Variants in PCDHGA5 observed in about 807,000 individuals in gnomAD.
PCDHGA5 encodes protocadherin gamma subfamily A, 5.
In PCDHGA5, 36 loss-of-function variants were observed where a neutral mutation model predicts 56.7. The observed-to-expected ratio is 0.64, with a 90% CI of 0.49 to 0.84. The LOEUF is 0.84. Among genes scored for constraint, PCDHGA5 ranks in the 40% least tolerant of loss-of-function variants. The pLI is 0.00. For missense variants in PCDHGA5, 1,305 were observed against 1,201.5 expected (o/e 1.09, Z -1.27); for synonymous variants, 563 against 520.2 (o/e 1.08, Z -1.12).
At chr5:141,468,744 T>G (rs113912306) in intron 1 of PCDHGA5, among the ~76,000 whole-genome samples, 5,602 of 152,138 alleles carry the variant, frequency 0.037, 142 homozygotes, top group South Asian at 0.077. Flanking sequence ...CGGGTGCCTG[T>G]AGTCCCAGCT....
rs767337670 is a variant in PCDHGA5 at position 141,433,083 on chromosome 5, A to G, written c.2422-61724A>G. 8.1e-6 allele frequency: 13 copies of G among 1,614,174 alleles called. 1 individual carries two copies. Among genetic ancestry groups the G allele is most frequent in the Non-Finnish European group, 9.3e-6 (11 of 1,180,024 alleles). ...CACCTGATCTTCCCCCAGCCCAACT[A>G]TGCAGACATGCTCGTCAGCCAGGAG... On this transcript the variant is annotated intron_variant, in intron 1 of 3. Coordinates refer to ENST00000518069, the MANE Select transcript of PCDHGA5 (RefSeq NM_018918.3).
chr5:141,427,751 C>T (rs778043340), intron 1 of PCDHGA5: 1 of 1,306,072 alleles, frequency 7.7e-7, no homozygotes, highest in South Asian at 1.2e-5. Flanking sequence ...CCTACTCCAT[C>T]GTTACCACTG....
At chr5:141,427,082 C>T (rs1335319344) in intron 1 of PCDHGA5, 1 of 458,118 alleles carries the variant, frequency 2.2e-6, no homozygotes, top group Admixed American at 2.3e-5. Flanking sequence ...CAGCCACTGA[C>T]CAGGATGAGG....
intron 2 of PCDHGA5, among the ~76,000 whole-genome samples, chr5:141,501,258 T>G (rs2099806611): frequency 1.3e-5 from 2 of 150,950 alleles, no homozygotes; most frequent in South Asian, 4.2e-4. Flanking sequence ...GGGAGTATTT[T>G]ATTATAGTCC....
intron 1 of PCDHGA5, chr5:141,399,680 A>G (rs1182095574): frequency 1.2e-6 from 2 of 1,613,514 alleles, no homozygotes; most frequent in East Asian, 2.2e-5. Context: ...GCCTTTGACT[A>G]CGAGCAGCTG....
intron 1 of PCDHGA5, among the ~76,000 whole-genome samples, chr5:141,424,973 G>A (rs2096851520): frequency 6.6e-6 from 1 of 152,108 alleles, no homozygotes; most frequent in African/African-American, 2.4e-5. Flanking sequence ...AAATTACTTG[G>A]ATATTTATGT....
rs1407016089 is a variant in PCDHGA5 at position 141,489,914 on chromosome 5, C to T, written c.2422-4893C>T. On this transcript the variant is annotated intron_variant, in intron 1 of 3. Coordinates refer to ENST00000518069, the MANE Select transcript of PCDHGA5 (RefSeq NM_018918.3). The surrounding 1 kb of genome is among the most constrained non-coding windows in gnomAD (Gnocchi z 4.5). Reference sequence around the variant, plus strand: ...GGGGGGACCCCAGCCCGCTCAGGGACCACCCTTATCTCTGTCATCGTGCTG... The same window carrying T: ...GGGGGGACCCCAGCCCGCTCAGGGATCACCCTTATCTCTGTCATCGTGCTG... 3 of 1,614,094 alleles carry T rather than the reference C, an allele frequency of 1.9e-6. No individual in the cohort carries two copies. Among genetic ancestry groups the T allele is most frequent in the African/African-American group, 2.7e-5 (2 of 74,936 alleles).
intron 1 of PCDHGA5, among the ~76,000 whole-genome samples, chr5:141,460,270 C>T (rs1223096441): frequency 6.6e-6 from 1 of 151,828 alleles, no homozygotes; most frequent in Non-Finnish European, 1.5e-5. Context: ...TTTATTTTTT[C>T]TTTTATAGTT....
At chr5:141,400,629 C>A (rs1416723451) in intron 1 of PCDHGA5, 1 of 1,389,786 alleles carries the variant, frequency 7.2e-7, no homozygotes, top group African/African-American at 1.4e-5. Context: ...TTAGGGAAGT[C>A]AGAGCTGCTC....
chr5:141,395,489 A>C (rs1268928793), intron 1 of PCDHGA5: 1 of 480,438 alleles, frequency 2.1e-6, no homozygotes, highest in Non-Finnish European at 3.6e-6. Flanking sequence ...TCCTATTATC[A>C]CTCATTCACT....
rs374042624 is a variant in PCDHGA5, at chr5:141,394,490, G to A, written c.2421+27739G>A. The A allele has an allele frequency of 3.7e-6, 6 of 1,614,058 alleles. No individual in the cohort carries two copies. In the Admixed American group the frequency reaches 5.0e-5, roughly 13 times the overall value. ...TCGTGCTGGACCAGAATGACAACGCGCCCGAGATCCTGTACCCCGCCCTCC... is the reference window on the plus strand; with the variant it reads ...TCGTGCTGGACCAGAATGACAACGCACCCGAGATCCTGTACCCCGCCCTCC... On this transcript the variant is annotated intron_variant, in intron 1 of 3. Transcript: ENST00000518069.
In PCDHGA5 at chr5:141,403,638, A is replaced by G. The variant is rs373036061; in HGVS notation, c.2421+36887A>G. On this transcript the variant is annotated intron_variant, in intron 1 of 3. Coordinates refer to ENST00000518069, the MANE Select transcript of PCDHGA5 (RefSeq NM_018918.3). ...CGTCGCTCCAGCACAGTGCGCATCCATGTGACAGTGTTGGATACAAATGAT... is the reference window on the plus strand; with the variant it reads ...CGTCGCTCCAGCACAGTGCGCATCCGTGTGACAGTGTTGGATACAAATGAT... The G allele has an allele frequency of 1.5e-5, 25 of 1,613,906 alleles. No individual in the cohort carries two copies. The East Asian group carries it at 4.5e-4, about 29-fold the overall frequency.
intron 1 of PCDHGA5, among the ~76,000 whole-genome samples, chr5:141,482,257 T>C (rs2099555476): frequency 1.3e-5 from 2 of 152,156 alleles, no homozygotes; most frequent in Admixed American, 1.3e-4. Context: ...ACTGTACATA[T>C]TAGTTGTTTA....
intron 1 of PCDHGA5, among the ~76,000 whole-genome samples, chr5:141,445,429 C>G (rs974775529): frequency 2.6e-5 from 4 of 152,200 alleles, no homozygotes; most frequent in Non-Finnish European, 5.9e-5. Flanking sequence ...ATGCAAGGCA[C>G]TGACCTATGG....
intron 1 of PCDHGA5, chr5:141,395,547 TGTGTGTGTGTGTG>T (rs2093269474): frequency 0.024 from 4,142 of 174,004 alleles, 329 homozygotes; most frequent in East Asian, 0.047. Flanking sequence ...ATTGTTTGTG[TGTGTGTGTGTGTG>T]TGTGTGTGTG....
chr5:141,490,004 C>A lies in PCDHGA5; in HGVS notation c.2422-4803C>A. The A allele has an allele frequency of 6.2e-7, 1 of 1,614,174 alleles. No homozygotes were observed. The highest frequency in any genetic ancestry group is 1.7e-5 in the Admixed American group (1 of 60,034). On this transcript the variant is annotated intron_variant, in intron 1 of 3. Transcript: ENST00000518069. The surrounding 1 kb of genome is among the most constrained non-coding windows in gnomAD (Gnocchi z 5.4). ...CTACGTGTGGGAATCCCAGAGAATGCACCCATTGGTACTCTGCTGCTCCGC... is the reference window on the plus strand; with the variant it reads ...CTACGTGTGGGAATCCCAGAGAATGAACCCATTGGTACTCTGCTGCTCCGC...
chr5:141,389,432 C>A (rs1007591817), intron 1 of PCDHGA5: 2 of 1,610,650 alleles, frequency 1.2e-6, no homozygotes, highest in Non-Finnish European at 8.5e-7. Flanking sequence ...TCGCGCAGCG[C>A]GCCTTCGACC....
chr5:141,386,090 T>C (rs184634259), intron 1 of PCDHGA5: 1 of 152,362 alleles, frequency 6.6e-6, no homozygotes, highest in Non-Finnish European at 1.5e-5. Context: ...TACAGCCAGA[T>C]GAAGTGTGTC....
chr5:141,418,688 A>C, intron 1 of PCDHGA5: 2 of 1,614,032 alleles, frequency 1.2e-6, no homozygotes, highest in Non-Finnish European at 1.7e-6. Flanking sequence ...CAACTCAGAG[A>C]TCACTTATTC....
Sources: gnomAD v4.1 joint callset for allele counts (sites outside exome capture counted in the v4.1 genomes callset) on GRCh38, gnomAD v4.1.1 for gene constraint, Gnocchi (gnomAD v3.1) non-coding constraint, MANE v1.5 for transcripts, NCBI Gene and HGNC (gene_info 2026-07-23, HGNC 2026-07-21) for gene names.